DEAF1: variants seen among roughly 807,000 people sequenced by gnomAD.
DEAF1 encodes the protein DEAF1 transcription factor, also known as deformed epidermal autoregulatory factor 1 homolog.
In DEAF1, 53 loss-of-function variants were observed where a neutral mutation model predicts 58.9. The ratio of observed to expected loss-of-function variants is 0.90; its 90% CI spans 0.72 to 1.13. DEAF1 has a LOEUF of 1.13. DEAF1 is among the 50% of genes most tolerant of loss of function. DEAF1 has a pLI of 0.00. For synonymous variants in DEAF1, 385 were observed against 340.4 expected, an observed-to-expected ratio of 1.13 and a Z score of -1.44; for missense variants, 685 against 791.4, an observed-to-expected ratio of 0.87 and a Z score of 1.61.
At chr11:654,162 CCCCTTTTTT>C (rs1858933083) in intron 10 of DEAF1, 111 bp from the exon 11 acceptor site, 15 of 501,974 alleles carry the variant, frequency 3.0e-5, no homozygotes, top group South Asian at 1.3e-4. Flanking sequence ...CCCATTGGAC[CCCCTTTTTT>C]TTTTTTTTTT....
chr11:677,029 C>T (rs1011108557), intron 9 of DEAF1, among the ~76,000 whole-genome samples: 41 of 152,138 alleles, frequency 2.7e-4, no homozygotes, highest in Admixed American at 1.4e-3. Flanking sequence ...CAGGGGCAAG[C>T]GGTCGATGCG....
At chr11:654,165 C>A in intron 10 of DEAF1, 114 bp from the exon 11 acceptor site, 1 of 410,992 alleles carries the variant, frequency 2.4e-6, no homozygotes, top group East Asian at 5.3e-5. Context: ...ATTGGACCCC[C>A]TTTTTTTTTT....
chr11:682,310 T>C (rs1350789905), intron 6 of DEAF1, among the ~76,000 whole-genome samples: 2 of 152,228 alleles, frequency 1.3e-5, no homozygotes, highest in East Asian at 3.8e-4. Context: ...TTAGGGCTTC[T>C]TTACTGAGAG....
chr11:705,523 C>T (rs1382031237), intron 1 of DEAF1: 1 of 154,294 alleles, frequency 6.5e-6, no homozygotes, highest in East Asian at 1.9e-4. Flanking sequence ...GAGGTGTCCC[C>T]ACCTCCCCTG....
intron 2 of DEAF1, among the ~76,000 whole-genome samples, chr11:689,307 G>A (rs1288028524): frequency 2.8e-5 from 4 of 144,384 alleles, no homozygotes; most frequent in African/African-American, 7.7e-5. Flanking sequence ...CCGGGTTCAC[G>A]CTATTGTCCT....
chr11:646,967 T>C (rs1026042168), intron 11 of DEAF1, among the ~76,000 whole-genome samples: 5 of 148,088 alleles, frequency 3.4e-5, no homozygotes, highest in African/African-American at 1.2e-4. Flanking sequence ...CTGAGCAACA[T>C]AGCAAAACCC....
Position 694,968 on chromosome 11 carries a change from GCCGCCACAGCGGCCGCGGCCGCCA to G in DEAF1, c.56_79del (p.Val19_Ala26del), listed in dbSNP as rs773843056. ...GCCTCCTGCCGCGGCCGCGGCCGCC[GCCGCCACAGCGGCCGCGGCCGCCA>G]CCGCCGCCGCCTCAGCCAGGCCCAG... On this transcript the variant is annotated inframe_deletion, in exon 1 of 12. Transcript: ENST00000382409. 6.5e-5 allele frequency: 69 copies of G among 1,065,266 alleles called. 6 individuals carry two copies. The highest frequency in any genetic ancestry group is 2.7e-4 in the South Asian group (8 of 29,164). 66.0% of individuals were successfully genotyped at this position (1,065,266 alleles called of 1,614,324 possible).
chr11:647,184 G>A (rs773990512), intron 11 of DEAF1, among the ~76,000 whole-genome samples: 18 of 151,748 alleles, frequency 1.2e-4, no homozygotes, highest in South Asian at 2.1e-4. Flanking sequence ...GGCTGGGTAC[G>A]GTGGCTCATG....
At chr11:666,873 CAAAA>C (rs532628897) in intron 10 of DEAF1, among the ~76,000 whole-genome samples, 1 of 60,252 alleles carries the variant, frequency 1.7e-5, no homozygotes, top group Admixed American at 2.3e-4. Context: ...ACTCTGTCTC[CAAAA>C]AAAAAAAAAA....
chr11:655,593 A>G (rs1245091870), intron 10 of DEAF1, among the ~76,000 whole-genome samples: 1 of 152,006 alleles, frequency 6.6e-6, no homozygotes, highest in African/African-American at 2.4e-5. Flanking sequence ...TGTGAGCAGC[A>G]CAGAGCAGCA....
rs750075705 is a variant in DEAF1, at chr11:703,166, A to G, written c.-438+3406T>C. ...CACCAGGTAGCTACGGACACCCGGGATACCCCACACTGGGGCCCTCCTCCT... is the reference window on the plus strand; with the variant it reads ...CACCAGGTAGCTACGGACACCCGGGGTACCCCACACTGGGGCCCTCCTCCT... On this transcript the variant is annotated intron_variant, in intron 1 of 11. Coordinates refer to the DEAF1 transcript ENST00000683307. The G allele has an allele frequency of 1.1e-5, 18 of 1,592,958 alleles. No homozygotes were observed. The East Asian group carries it at 3.8e-4, about 34-fold the overall frequency.
intron 10 of DEAF1, chr11:674,246 A>G (rs888915760): frequency 2.3e-6 from 1 of 429,036 alleles, no homozygotes; most frequent in Non-Finnish European, 4.4e-6. Context: ...AAGGATGAAT[A>G]ATGCCTAGAA....
At chr11:653,141 T>G (rs181946094) in intron 11 of DEAF1, among the ~76,000 whole-genome samples, 4 of 150,272 alleles carry the variant, frequency 2.7e-5, no homozygotes, top group African/African-American at 7.3e-5. Context: ...GTACTCTGAT[T>G]ATGGTAGACA....
At chr11:683,011 C>T (rs923780849) in intron 6 of DEAF1, among the ~76,000 whole-genome samples, 3 of 152,150 alleles carry the variant, frequency 2.0e-5, no homozygotes, top group African/African-American at 7.2e-5. Flanking sequence ...AGGAGCTGGT[C>T]GTAGCTCAAA....
At chr11:689,228 C>T (rs1243300959) in intron 2 of DEAF1, among the ~76,000 whole-genome samples, 24 of 111,136 alleles carry the variant, frequency 2.2e-4, no homozygotes, top group African/African-American at 8.2e-4. Context: ...TTTTTTGAGA[C>T]GGAGACTCGT....
At chr11:650,241 G>A (rs2133277565) in intron 11 of DEAF1, among the ~76,000 whole-genome samples, 1 of 151,714 alleles carries the variant, frequency 6.6e-6, no homozygotes, top group Middle Eastern at 3.4e-3. Context: ...GAGTGTGGTG[G>A]CAGGAGCCTG....
At chr11:689,677 A>AGAAAAG (rs2133413241) in intron 2 of DEAF1, 1 of 152,262 alleles carries the variant, frequency 6.6e-6, no homozygotes, top group African/African-American at 2.4e-5. Context: ...TCTTCACTGG[A>AGAAAAG]GAAAAGGAAT....
intron 7 of DEAF1, 149 bp from the exon 8 acceptor site, chr11:679,965 G>A: frequency 9.1e-7 from 1 of 1,104,228 alleles, no homozygotes; most frequent in Admixed American, 2.1e-5. Flanking sequence ...AGGACACGGG[G>A]GAAATCCCAG....
chr11:676,706 G>A (rs1010617657), intron 9 of DEAF1, among the ~76,000 whole-genome samples: 7 of 152,244 alleles, frequency 4.6e-5, no homozygotes, highest in African/African-American at 9.6e-5. Flanking sequence ...GTTTCTCCAC[G>A]TTGGTCAGGC....
Sources: allele counts gnomAD v4.1 joint callset (sites outside exome capture counted in the v4.1 genomes callset), GRCh38; gene constraint gnomAD v4.1.1; transcripts MANE v1.5; gene names NCBI Gene and HGNC (gene_info 2026-07-23, HGNC 2026-07-21).